Variants in DCDC1 observed in about 807,000 individuals in gnomAD.
DCDC1 encodes doublecortin domain-containing protein 1.
Under a neutral mutation model 178.3 loss-of-function variants are expected in DCDC1, and 200 were observed. The ratio of observed to expected loss-of-function variants is 1.12; its 90% CI spans 1.00 to 1.26. DCDC1 has a LOEUF of 1.26. Ranked by LOEUF, DCDC1 falls within the 50% of genes most tolerant of loss-of-function variation. DCDC1 has a pLI of 0.00. For synonymous variants in DCDC1, 690 were observed against 604.8 expected, an observed-to-expected ratio of 1.14 and a Z score of -2.07; for missense variants, 1,983 against 1,749.2, an observed-to-expected ratio of 1.13 and a Z score of -2.38.
At chr11:31,060,499 A>T (rs1481429766) in intron 20 of DCDC1, among the ~76,000 whole-genome samples, 1 of 152,104 alleles carries the variant, frequency 6.6e-6, no homozygotes, top group Non-Finnish European at 1.5e-5. Context: ...TAGACTTTAA[A>T]ATTTAAATAC....
intron 21 of DCDC1, among the ~76,000 whole-genome samples, chr11:30,935,514 A>T (rs1471951809): frequency 2.0e-5 from 3 of 152,058 alleles, no homozygotes; most frequent in Non-Finnish European, 2.9e-5. Flanking sequence ...CAGCCATATT[A>T]ACTTCCAGAA....
At chr11:31,210,636 G>A (rs1342608220) in intron 9 of DCDC1, among the ~76,000 whole-genome samples, 1 of 151,362 alleles carries the variant, frequency 6.6e-6, no homozygotes, top group Middle Eastern at 3.4e-3. Flanking sequence ...ACTTGAACCC[G>A]GGAGGCAGAG....
chr11:30,958,703 C>T (rs1277361583), intron 20 of DCDC1, among the ~76,000 whole-genome samples: 1 of 152,166 alleles, frequency 6.6e-6, no homozygotes, highest in Non-Finnish European at 1.5e-5. Flanking sequence ...CTTGCCATCA[C>T]TTTCAAAAAG....
At chr11:31,067,678 G>A (rs1956325364) in intron 18 of DCDC1, among the ~76,000 whole-genome samples, 1 of 152,050 alleles carries the variant, frequency 6.6e-6, no homozygotes, top group Admixed American at 6.6e-5. Context: ...AAAAGGTGAT[G>A]TTTCCATACA....
intron 20 of DCDC1, among the ~76,000 whole-genome samples, chr11:30,973,865 A>G (rs1055187794): frequency 6.6e-6 from 1 of 152,166 alleles, no homozygotes; most frequent in African/African-American, 2.4e-5. Flanking sequence ...CATTGGATTT[A>G]AACTGCATGT....
At chr11:30,934,373 C>T (rs551340611) in intron 21 of DCDC1, among the ~76,000 whole-genome samples, 44 of 152,254 alleles carry the variant, frequency 2.9e-4, no homozygotes, top group African/African-American at 9.6e-4. Flanking sequence ...GCACAAGTTC[C>T]GGTCCAATTG....
intron 20 of DCDC1, among the ~76,000 whole-genome samples, chr11:30,971,166 A>C (rs938893581): frequency 6.6e-6 from 1 of 152,232 alleles, no homozygotes; most frequent in African/African-American, 2.4e-5. Context: ...GTCCTCATCT[A>C]CAAAAGCTAA....
chr11:30,940,195 C>T (rs187425739), intron 21 of DCDC1, among the ~76,000 whole-genome samples: 86 of 152,208 alleles, frequency 5.7e-4, no homozygotes, highest in Non-Finnish European at 8.1e-4. Flanking sequence ...CTTCCAGTCT[C>T]GAAACTTGAG....
intron 3 of DCDC1, among the ~76,000 whole-genome samples, chr11:31,315,571 TGTGATCCGCCCACCTG>T (rs1949045356): frequency 1.3e-5 from 2 of 151,266 alleles, no homozygotes; most frequent in Admixed American, 1.3e-4. Context: ...CTCCTGACCT[TGTGATCCGCCCACCTG>T]GGCCTCCCAA....
At chr11:31,269,458 T>C (rs972254660) in intron 7 of DCDC1, among the ~76,000 whole-genome samples, 2 of 151,848 alleles carry the variant, frequency 1.3e-5, no homozygotes, top group East Asian at 1.9e-4. Context: ...TCACACCTCA[T>C]TGCATCCTCA....
At chr11:30,953,958 AAAGT>A (rs1470304721) in intron 20 of DCDC1, among the ~76,000 whole-genome samples, 5 of 152,110 alleles carry the variant, frequency 3.3e-5, no homozygotes, top group Non-Finnish European at 5.9e-5. Context: ...AACAAAATGA[AAAGT>A]AAGAGTATAT....
chr11:31,219,034 C>T (rs1455238059), intron 9 of DCDC1, among the ~76,000 whole-genome samples: 1 of 151,982 alleles, frequency 6.6e-6, no homozygotes, highest in Non-Finnish European at 1.5e-5. Flanking sequence ...AAGCTTTGAC[C>T]TGGAAGAACG....
At chr11:31,126,005 T>C (rs1368353494) in intron 11 of DCDC1, among the ~76,000 whole-genome samples, 1 of 152,080 alleles carries the variant, frequency 6.6e-6, no homozygotes, top group African/African-American at 2.4e-5. Context: ...AAGTATCTGT[T>C]ACCCAGCCCA....
At chr11:31,084,063 A>G (rs1026788092) in intron 17 of DCDC1, among the ~76,000 whole-genome samples, 1 of 152,200 alleles carries the variant, frequency 6.6e-6, no homozygotes, top group Non-Finnish European at 1.5e-5. Context: ...TAACAGTCAG[A>G]TGCACAGATA....
At chr11:30,946,780 C>T (rs760129540) in intron 21 of DCDC1, among the ~76,000 whole-genome samples, 1 of 152,098 alleles carries the variant, frequency 6.6e-6, no homozygotes, top group Non-Finnish European at 1.5e-5. Context: ...TTAGACTGTG[C>T]CATTGACCTA....
chr11:30,906,644 C>T lies in DCDC1; in HGVS notation c.4000G>A (p.Gly1334Arg). Residue 1334 changes from glycine (G) to arginine (R), a missense_variant, in exon 30 of 39, where the codon GGA becomes AGA. Transcript: ENST00000684477. Reference protein sequence around the residue: ...ACGQSMRTEKGLKQLLPGVPF... With the variant: ...ACGQSMRTEKRLKQLLPGVPF... ...ACCCCTGGAAGCAATTGTTTCAGTC[C>T]TTTCTCTGTTCTCATGGATTGTCCA... 3 of 1,613,624 alleles carry T rather than the reference C, an allele frequency of 1.9e-6. No homozygotes were observed. The highest frequency in any genetic ancestry group is 4.5e-5 in the East Asian group (2 of 44,830).
At chr11:31,324,687 T>C (rs1182638241) in intron 3 of DCDC1, among the ~76,000 whole-genome samples, 2 of 152,306 alleles carry the variant, frequency 1.3e-5, no homozygotes, top group East Asian at 3.9e-4. Flanking sequence ...CAGTTCATTT[T>C]TGGAATGCTG....
At position 30,881,315 on chromosome 11, in the gene DCDC1, C is replaced by T; in HGVS notation, c.5083-7G>A. 6.2e-7 allele frequency: 1 copy of T among 1,612,266 alleles called. No homozygotes were observed. Among genetic ancestry groups the T allele is most frequent in the South Asian group, 1.1e-5 (1 of 90,854 alleles). ...AGGAGCAGTCTTGCAGCAGCTGAGA[C>T]ACAGAGGGACAGCCACATTTGAATA... On this transcript the variant is annotated splice_polypyrimidine_tract_variant and splice_region_variant and intron_variant, in intron 36 of 38. Transcript: ENST00000684477.
At chr11:31,112,356 GAT>G (rs1416313169) in intron 11 of DCDC1, among the ~76,000 whole-genome samples, 1 of 152,110 alleles carries the variant, frequency 6.6e-6, no homozygotes, top group Admixed American at 6.6e-5. Context: ...TTTAAACAAA[GAT>G]AGCTTTCTAA....
Sources: gnomAD v4.1 joint callset for allele counts (sites outside exome capture counted in the v4.1 genomes callset) on GRCh38, gnomAD v4.1.1 for gene constraint, MANE v1.5 for transcripts, NCBI Gene and HGNC (gene_info 2026-07-23, HGNC 2026-07-21) for gene names.